Variants in KLC1 observed in about 807,000 individuals in gnomAD.
KLC1 encodes the protein kinesin light chain 1.
In KLC1, 30 loss-of-function variants were observed where a neutral mutation model predicts 84.2. The ratio of observed to expected loss-of-function variants is 0.36; its 90% confidence interval spans 0.27 to 0.48. KLC1 has a LOEUF of 0.48. Among genes scored for constraint, KLC1 ranks in the 20% least tolerant of loss-of-function variants. The pLI, the probability that KLC1 is intolerant of heterozygous loss-of-function variation, is 0.99. For synonymous variants in KLC1, 289 were observed against 293.3 expected, an observed-to-expected ratio of 0.99 and a Z score of 0.15; for missense variants, 499 against 805.4, an observed-to-expected ratio of 0.62 and a Z score of 4.60.
chr14:103,672,917 G>T, intron 7 of KLC1, 97 bp from the exon 8 acceptor site: 1 of 1,075,534 alleles, frequency 9.3e-7, no homozygotes, highest in Admixed American at 2.2e-5. Context: ...GCACAGTCGT[G>T]CTTATGTTGA....
chr14:103,666,810 T>A (rs1344845594), intron 5 of KLC1, among the ~76,000 whole-genome samples: 1 of 144,144 alleles, frequency 6.9e-6, no homozygotes, highest in Non-Finnish European at 1.5e-5. Context: ...GGAGTCTTGC[T>A]CTGTCGCCCG....
intron 3 of KLC1, 38 bp downstream of exon 3, chr14:103,657,814 A>T: frequency 6.9e-7 from 1 of 1,451,220 alleles, no homozygotes; most frequent in Non-Finnish European, 9.6e-7. Flanking sequence ...CTAATGTTTA[A>T]AATGGAGTCA....
rs1049862875 is a variant in KLC1, at chr14:103,695,226, G to C, written c.1848+2801G>C. 5.3e-6 allele frequency: 4 copies of C among 752,220 alleles called. No individual in the cohort carries two copies. In the South Asian group the frequency reaches 1.8e-4, roughly 34 times the overall value. The allele number at this position is 752,220 out of a possible 1,614,324, so 46.6% of individuals were successfully genotyped here. A position where few individuals can be genotyped will look rare whatever the true frequency, so the allele number is the denominator to read the frequency against. On this transcript the variant is annotated intron_variant, in intron 15 of 16. Coordinates refer to ENST00000334553, the MANE Select transcript of KLC1 (RefSeq NM_001394837.1). ...ATCCTATAATCTTAGCACTTTGGGA[G>C]GCTGAGGCGGGAGGATCACTTGAGC...
At chr14:103,669,673 C>T (rs1403952318) in intron 6 of KLC1, 75 bp downstream of exon 6, 13 of 1,031,272 alleles carry the variant, frequency 1.3e-5, no homozygotes, top group Non-Finnish European at 1.8e-5. Context: ...ACTCATTTTA[C>T]CATTAAACTC....
chr14:103,685,114 C>T (rs2081676687), intron 13 of KLC1: 1 of 1,503,042 alleles, frequency 6.7e-7, no homozygotes, highest in South Asian at 1.3e-5. Context: ...CCTGGCAGGA[C>T]CCAGGACGCA....
chr14:103,691,113 G>C (rs2082081182), intron 14 of KLC1, among the ~76,000 whole-genome samples: 1 of 150,994 alleles, frequency 6.6e-6, no homozygotes, highest in Admixed American at 6.6e-5. Context: ...AAAAGCATCA[G>C]ACTGAAGGCA....
chr14:103,675,624 T>G (rs368516335), intron 10 of KLC1, 23 bp downstream of exon 10: 43 of 1,607,334 alleles, frequency 2.7e-5, no homozygotes, highest in Non-Finnish European at 3.2e-5. Context: ...TATTTTGAGA[T>G]TTTCTAAATT....
chr14:103,696,137 C>T (rs2082489882), intron 15 of KLC1: 1 of 979,130 alleles, frequency 1.0e-6, no homozygotes, highest in Non-Finnish European at 1.2e-6. Context: ...TGTGCAGCGC[C>T]CGTCCCCAGC....
At chr14:103,669,432 TA>T (rs1555422921) in intron 5 of KLC1, 78 bp from the exon 6 acceptor site, 458 of 822,238 alleles carry the variant, frequency 5.6e-4, no homozygotes, top group Non-Finnish European at 6.7e-4. Flanking sequence ...AGACTCTGTC[TA>T]AAAAAAAAGA....
chr14:103,642,647 C>T (rs1220128114), intron 1 of KLC1, among the ~76,000 whole-genome samples: 1 of 151,730 alleles, frequency 6.6e-6, no homozygotes, highest in Non-Finnish European at 1.5e-5. Flanking sequence ...TAAGGATATG[C>T]TAAAAAACAA....
intron 5 of KLC1, among the ~76,000 whole-genome samples, chr14:103,667,741 TA>T (rs1380552292): frequency 1.3e-5 from 2 of 152,264 alleles, no homozygotes; most frequent in Non-Finnish European, 2.9e-5. Flanking sequence ...AATATATTAA[TA>T]CGTGGCCAGA....
In KLC1 at chr14:103,697,164, C is replaced by T. The variant is rs79981537; in HGVS notation, c.1849-3491C>T. 4.6e-4 allele frequency: 453 copies of T among 975,974 alleles called. 7 individuals are homozygous for T. The East Asian group carries it at 0.021, about 46-fold the overall frequency. The allele number at this position is 975,974 out of a possible 1,614,324, so 60.5% of individuals were successfully genotyped here. ...TACTTGCCATTGTAGAATTCCTGCA[C>T]TTTTGCAGAAAGGCTGTTTTGTAAA... On this transcript the variant is annotated intron_variant, in intron 15 of 16. Coordinates refer to ENST00000334553, the MANE Select transcript of KLC1 (RefSeq NM_001394837.1).
rs951291191 is a variant in KLC1, at chr14:103,693,437, G to C, written c.1848+1012G>C. The stretch of plus-strand genomic sequence containing the variant: ...ATGCACATTGACCCCTGGGCCTCTC[G>C]AGTGCCAACCTAGATTTAGCTGTGC... On this transcript the variant is annotated intron_variant, in intron 15 of 16. Transcript: ENST00000334553. The surrounding 1 kb of genome is among the most constrained non-coding windows in gnomAD (Gnocchi z 5.1). The C allele has an allele frequency of 1.3e-5, 20 of 1,491,326 alleles. No individual in the cohort carries two copies. The highest frequency in any genetic ancestry group is 1.5e-5 in the Non-Finnish European group (17 of 1,120,206). The allele number at this position is 1,491,326 out of a possible 1,614,324, so 92.4% of individuals were successfully genotyped here. A position where few individuals can be genotyped will look rare whatever the true frequency, so the allele number is the denominator to read the frequency against.
intron 1 of KLC1, among the ~76,000 whole-genome samples, chr14:103,649,334 T>G (rs2078201827): frequency 6.6e-6 from 1 of 152,038 alleles, no homozygotes; most frequent in African/African-American, 2.4e-5. Context: ...CTATCTAAAA[T>G]AATGTAAACA....
chr14:103,636,626 GT>G (rs1382434477), intron 1 of KLC1, among the ~76,000 whole-genome samples: 2 of 152,086 alleles, frequency 1.3e-5, no homozygotes, highest in African/African-American at 4.8e-5. Context: ...TTACATGCTT[GT>G]CGGTCTTTGT....
At chr14:103,638,099 A>G (rs2077185243) in intron 1 of KLC1, among the ~76,000 whole-genome samples, 2 of 151,826 alleles carry the variant, frequency 1.3e-5, no homozygotes, top group Admixed American at 1.3e-4. Context: ...CTGCGCCTGT[A>G]TATGGGGATG....
At chr14:103,698,723 G>T in intron 15 of KLC1, 1 of 1,360,536 alleles carries the variant, frequency 7.4e-7, no homozygotes, top group Non-Finnish European at 1.0e-6. Flanking sequence ...CACGGCCCAG[G>T]CAGACGCGTT....
At chr14:103,689,780 C>G (rs1421195712) in intron 14 of KLC1, among the ~76,000 whole-genome samples, 1 of 152,188 alleles carries the variant, frequency 6.6e-6, no homozygotes, top group Non-Finnish European at 1.5e-5. Context: ...GCCACGTGTT[C>G]AAACAAGGCA....
Position 103,693,020 on chromosome 14 carries a change from G to A in KLC1, c.1848+595G>A, listed in dbSNP as rs1399184159. Among the ~76,000 whole-genome samples the A allele has an allele frequency of 6.6e-6, 1 of 152,162 alleles. No individual in the cohort carries two copies. Among genetic ancestry groups the A allele is most frequent in the African/African-American group, 2.4e-5 (1 of 41,436 alleles). ...CCGCCCTTTGGTGTGGCTGTCAGTGGGTGGCCGGGTGCCTGTGGCTGCTCT... is the reference window on the plus strand; with the variant it reads ...CCGCCCTTTGGTGTGGCTGTCAGTGAGTGGCCGGGTGCCTGTGGCTGCTCT... On this transcript the variant is annotated intron_variant, in intron 15 of 16. Coordinates refer to ENST00000334553, the MANE Select transcript of KLC1 (RefSeq NM_001394837.1). This position sits in a 1 kb window ranked among gnomAD's most constrained non-coding sequence, Gnocchi z 5.1.
Sources: gnomAD v4.1 joint callset for allele counts (sites outside exome capture counted in the v4.1 genomes callset) on GRCh38, gnomAD v4.1.1 for gene constraint, Gnocchi (gnomAD v3.1) non-coding constraint, MANE v1.5 for transcripts, NCBI Gene and HGNC (gene_info 2026-07-23, HGNC 2026-07-21) for gene names.